CAST: variants seen among roughly 807,000 people sequenced by gnomAD.
The protein encoded by CAST is calpastatin.
Under a neutral mutation model 119.6 loss-of-function variants are expected in CAST, and 76 were observed. That is an observed-to-expected ratio of 0.64 (90% CI 0.53 to 0.77). The LOEUF is 0.77. Among genes scored for constraint, CAST ranks in the 30% least tolerant of loss-of-function variants. The pLI, the probability that CAST is intolerant of heterozygous loss-of-function variation, is 0.00. For missense variants in CAST, 953 were observed against 946.5 expected (o/e 1.01, Z -0.09); for synonymous variants, 319 against 331.6 (o/e 0.96, Z 0.41).
intron 1 of CAST, among the ~76,000 whole-genome samples, chr5:96,567,698 A>T (rs1746495379): frequency 6.6e-6 from 1 of 152,146 alleles, no homozygotes; most frequent in South Asian, 2.1e-4. Flanking sequence ...TCATGTATAG[A>T]TGCCCATAGT....
chr5:96,192,726 G>T, the CAST span, among the ~76,000 whole-genome samples: 1 of 152,186 alleles, frequency 6.6e-6, no homozygotes, highest in African/African-American at 2.4e-5. Flanking sequence ...TGGAACGTGA[G>T]GAGTGACATT....
At chr5:96,024,355 G>A in the CAST span, among the ~76,000 whole-genome samples, 165 of 152,248 alleles carry the variant, frequency 1.1e-3, 1 homozygote, top group Non-Finnish European at 2.0e-3. Context: ...AAAACTTTCT[G>A]CACTTGAAAA....
intron 1 of CAST, among the ~76,000 whole-genome samples, chr5:96,627,287 A>T (rs780056693): frequency 5.9e-5 from 9 of 152,220 alleles, no homozygotes; most frequent in Admixed American, 2.0e-4. Context: ...CTAGAGGGTG[A>T]TTATGAAAGT....
At chr5:96,754,629 A>G in intron 21 of CAST, 29 bp from the exon 22 acceptor site, 3 of 1,351,096 alleles carry the variant, frequency 2.2e-6, no homozygotes, top group Non-Finnish European at 3.1e-6. Flanking sequence ...AAAACATGCT[A>G]ACAATGAAAA....
In CAST at chr5:96,747,363, CTA is replaced by C; in HGVS notation, c.1305_1306del (p.Leu436AlafsTer4). The C allele has an allele frequency of 6.3e-7, 1 of 1,599,414 alleles. No individual in the cohort carries two copies. The highest frequency in any genetic ancestry group is 1.3e-5 in the African/African-American group (1 of 74,678). On this transcript the variant is annotated frameshift_variant, in exon 18 of 32. Transcript: ENST00000675179. LOFTEE classifies it high-confidence loss of function. ...KPATDKDGKP[L>X]LPEPEEKPKP... ...TTTACAGGATAAAGATGGAAAACCA[CTA>C]TTGCCAGAGCCTGAAGAAAAACCCA...
At chr5:96,038,597 C>T in the CAST span, among the ~76,000 whole-genome samples, 1 of 150,368 alleles carries the variant, frequency 6.7e-6, no homozygotes, top group African/African-American at 2.4e-5. Flanking sequence ...GTTCAACTCC[C>T]ACTTATGAGT....
At chr5:96,370,426 C>T in the CAST span, among the ~76,000 whole-genome samples, 1 of 152,106 alleles carries the variant, frequency 6.6e-6, no homozygotes, top group Non-Finnish European at 1.5e-5. Flanking sequence ...AAACTTTAAG[C>T]GTCCCAAACT....
At chr5:96,374,534 T>C in the CAST span, among the ~76,000 whole-genome samples, 2 of 152,188 alleles carry the variant, frequency 1.3e-5, no homozygotes, top group Non-Finnish European at 2.9e-5. Context: ...TGCACTAGAC[T>C]CTCTGCATCA....
the CAST span, among the ~76,000 whole-genome samples, chr5:95,999,647 A>G: frequency 6.6e-6 from 1 of 152,146 alleles, no homozygotes; most frequent in Non-Finnish European, 1.5e-5. Context: ...CCAAGCTTAC[A>G]CACTGATTGA....
intron 1 of CAST, among the ~76,000 whole-genome samples, chr5:96,608,540 AG>A (rs747625300): frequency 6.6e-5 from 10 of 152,208 alleles, no homozygotes; most frequent in Non-Finnish European, 1.2e-4. Flanking sequence ...AAATCGAGCC[AG>A]GGAAGGCTAT....
At chr5:96,642,855 A>G (rs946986856) in intron 1 of CAST, among the ~76,000 whole-genome samples, 1 of 152,126 alleles carries the variant, frequency 6.6e-6, no homozygotes, top group East Asian at 1.9e-4. Flanking sequence ...ATCCAAATAC[A>G]TATAGTTCTT....
At chr5:96,741,210 A>G in intron 13 of CAST, 56 bp from the exon 14 acceptor site, 5 of 929,204 alleles carry the variant, frequency 5.4e-6, no homozygotes, top group Non-Finnish European at 8.8e-6. Context: ...TTTATGATCC[A>G]TTCTTCCACT....
the CAST span, among the ~76,000 whole-genome samples, chr5:96,311,451 T>G: frequency 6.6e-6 from 1 of 152,092 alleles, no homozygotes; most frequent in African/African-American, 2.4e-5. Flanking sequence ...TAAAGTGTTG[T>G]TCAAGTCCAA....
the CAST span, among the ~76,000 whole-genome samples, chr5:96,366,814 T>A: frequency 7.2e-5 from 11 of 152,236 alleles, no homozygotes; most frequent in African/African-American, 2.4e-4. Context: ...ATCTGAAGCC[T>A]TCTTCTCTCA....
intron 30 of CAST, among the ~76,000 whole-genome samples, chr5:96,771,366 A>T (rs140530827): frequency 2.0e-5 from 3 of 152,282 alleles, no homozygotes; most frequent in Non-Finnish European, 2.9e-5. Flanking sequence ...ATTGCCATTT[A>T]AGAACACCTA....
At chr5:96,105,938 TC>T in the CAST span, among the ~76,000 whole-genome samples, 1 of 152,336 alleles carries the variant, frequency 6.6e-6, no homozygotes, top group East Asian at 1.9e-4. Context: ...ATTCAGAGAT[TC>T]AACTTCTTCC....
chr5:96,118,288 A>T, the CAST span, among the ~76,000 whole-genome samples: 1 of 151,984 alleles, frequency 6.6e-6, no homozygotes, highest in Non-Finnish European at 1.5e-5. Flanking sequence ...TGCTTTGAGT[A>T]GGCAAAAAGC....
chr5:96,552,544 C>A (rs1343794139), intron 1 of CAST, among the ~76,000 whole-genome samples: 2 of 151,940 alleles, frequency 1.3e-5, no homozygotes, highest in East Asian at 3.9e-4. Flanking sequence ...CAAAAGCTAG[C>A]AGAAGACAAG....
chr5:96,272,565 C>A, the CAST span, among the ~76,000 whole-genome samples: 3 of 151,820 alleles, frequency 2.0e-5, no homozygotes, highest in Admixed American at 6.6e-5. Context: ...CTCATGAAGA[C>A]AGAGAGTAGA....
Sources: gnomAD v4.1 joint callset for allele counts (sites outside exome capture counted in the v4.1 genomes callset) on GRCh38, gnomAD v4.1.1 for gene constraint, MANE v1.5 for transcripts, NCBI Gene and HGNC (gene_info 2026-07-23, HGNC 2026-07-21) for gene names.